Variants in ALK observed in about 807,000 individuals in gnomAD.
ALK encodes the protein ALK tyrosine kinase receptor.
A neutral mutation model predicts 163.1 loss-of-function variants in ALK; 74 were observed. The observed-to-expected ratio is 0.45, with a 90% CI of 0.38 to 0.55. ALK has a LOEUF of 0.55. ALK is among the 20% of genes least tolerant of loss of function. The probability of loss-of-function intolerance (pLI) is 0.00; values close to 1 mark genes in which losing one functional copy is unlikely to be tolerated. For synonymous variants in ALK, 960 were observed against 843.2 expected (o/e 1.14, Z -2.40); for missense variants, 2,063 against 2,105.3 (o/e 0.98, Z 0.39).
intron 1 of ALK, among the ~76,000 whole-genome samples, chr2:29,767,270 A>G (rs554137186): frequency 1.3e-5 from 2 of 152,322 alleles, no homozygotes; most frequent in South Asian, 4.1e-4. Context: ...CTGTCTCCCA[A>G]TACCTTCCTA....
chr2:29,489,756 A>C (rs1259280872), intron 4 of ALK, among the ~76,000 whole-genome samples: 2 of 152,230 alleles, frequency 1.3e-5, no homozygotes, highest in African/African-American at 4.8e-5. Flanking sequence ...CTAGGGATGA[A>C]GAGCTGTCTC....
At chr2:29,432,336 T>C (rs1431542901) in intron 4 of ALK, among the ~76,000 whole-genome samples, 1 of 152,090 alleles carries the variant, frequency 6.6e-6, no homozygotes, top group Non-Finnish European at 1.5e-5. Flanking sequence ...CCTGGCACCA[T>C]CTTCCCATTG....
intron 6 of ALK, among the ~76,000 whole-genome samples, chr2:29,323,928 A>C (rs765864812): frequency 6.6e-6 from 1 of 152,216 alleles, no homozygotes; most frequent in African/African-American, 2.4e-5. Flanking sequence ...TTTACCACTC[A>C]AAATGTGGTC....
At chr2:29,637,460 A>T (rs1176144727) in intron 3 of ALK, among the ~76,000 whole-genome samples, 1 of 152,032 alleles carries the variant, frequency 6.6e-6, no homozygotes. Flanking sequence ...AGTGGATGAG[A>T]ATATAAAAAA....
intron 4 of ALK, among the ~76,000 whole-genome samples, chr2:29,530,059 G>T (rs7601651): frequency 5.3e-5 from 6 of 113,406 alleles, no homozygotes; most frequent in African/African-American, 1.3e-4. Context: ...CAAAATAATC[G>T]CTCTTTTTTT....
At chr2:29,553,878 G>C (rs201010881) in intron 3 of ALK, among the ~76,000 whole-genome samples, 1 of 151,770 alleles carries the variant, frequency 6.6e-6, no homozygotes, top group Non-Finnish European at 1.5e-5. Context: ...TGTTTTTTTT[G>C]TTCAGTTATC....
rs374135358 is a variant in ALK at position 29,193,697 on chromosome 2, G to A, written c.4390C>T (p.Arg1464Ter). 6.2e-7 allele frequency: 1 copy of A among 1,612,230 alleles called. No individual in the cohort carries two copies. The highest frequency in any genetic ancestry group is 1.3e-5 in the African/African-American group (1 of 74,818). The part of the protein sequence containing the change: ...KKPTAAEISV[R>*]VPRGPAVEGG... ...TCCACGGCCGGCCCTCTAGGGACTC[G>A]AACAGAGATCTCTGCAGCTGTGGGT... Residue 1464 changes from arginine (R) to a stop codon, truncating the protein, a stop_gained, in exon 29 of 29, where the codon CGA (arginine) becomes TGA (stop). Coordinates refer to ENST00000389048, the MANE Select transcript of ALK (RefSeq NM_004304.5). LOFTEE classifies it low-confidence loss of function (END_TRUNC).
At chr2:29,469,551 T>C (rs545248469) in intron 4 of ALK, among the ~76,000 whole-genome samples, 19 of 152,314 alleles carry the variant, frequency 1.2e-4, no homozygotes, top group Non-Finnish European at 2.6e-4. Flanking sequence ...CTCTCCTTAC[T>C]CTTTCCTAAC....
intron 5 of ALK, among the ~76,000 whole-genome samples, chr2:29,375,566 C>A (rs151216381): frequency 6.6e-6 from 1 of 152,088 alleles, no homozygotes; most frequent in Non-Finnish European, 1.5e-5. Context: ...ATCTGCCCGC[C>A]TCGGCCTCCC....
At chr2:29,755,137 C>T (rs1194276741) in intron 1 of ALK, among the ~76,000 whole-genome samples, 1 of 152,164 alleles carries the variant, frequency 6.6e-6, no homozygotes, top group Non-Finnish European at 1.5e-5. Flanking sequence ...AGTGAGGAAC[C>T]CTCTGGGTTT....
intron 1 of ALK, among the ~76,000 whole-genome samples, chr2:29,827,436 T>C (rs1665233272): frequency 6.6e-6 from 1 of 152,236 alleles, no homozygotes; most frequent in South Asian, 2.1e-4. Context: ...TCTTCTCTGC[T>C]TCTGAGCTTC....
intron 3 of ALK, among the ~76,000 whole-genome samples, chr2:29,645,245 G>A (rs1344126583): frequency 1.3e-5 from 2 of 152,122 alleles, no homozygotes; most frequent in East Asian, 1.9e-4. Flanking sequence ...TTTAATGAGA[G>A]TCTGGAAATC....
chr2:29,310,337 A>G (rs1199284159), intron 8 of ALK, among the ~76,000 whole-genome samples: 1 of 152,220 alleles, frequency 6.6e-6, no homozygotes, highest in Non-Finnish European at 1.5e-5. Flanking sequence ...TGAAATGCTT[A>G]GCATAGTGCC....
chr2:29,670,744 C>G (rs1677658347), intron 3 of ALK, among the ~76,000 whole-genome samples: 1 of 151,974 alleles, frequency 6.6e-6, no homozygotes, highest in African/African-American at 2.4e-5. Context: ...AGTGTTTGAG[C>G]TCACTGATTT....
At chr2:29,773,669 T>C (rs1681090447) in intron 1 of ALK, among the ~76,000 whole-genome samples, 1 of 152,216 alleles carries the variant, frequency 6.6e-6, no homozygotes, top group Admixed American at 6.5e-5. Flanking sequence ...AGATGGATGA[T>C]GGGAAAGACA....
chr2:29,452,732 G>A (rs1049831075), intron 4 of ALK, among the ~76,000 whole-genome samples: 3 of 152,116 alleles, frequency 2.0e-5, no homozygotes, highest in East Asian at 1.9e-4. Flanking sequence ...AAGTGTAACC[G>A]ACGACTAACA....
In ALK at chr2:29,637,921, T is replaced by C. The variant is rs189887588; in HGVS notation, c.952+56929A>G. Among the ~76,000 whole-genome samples, 1,231 of 152,252 alleles carry C rather than the reference T, an allele frequency of 8.1e-3. 8 individuals are homozygous for C. Among genetic ancestry groups the C allele is most frequent in the Non-Finnish European group, 0.012 (798 of 68,026 alleles). ...ACATAATAAGTTTAATTAAAACATA[T>C]ATAGTTGCTATTAAAACTCAAGCTG... On this transcript the variant is annotated intron_variant, in intron 3 of 28. Coordinates refer to ENST00000389048, the MANE Select transcript of ALK (RefSeq NM_004304.5).
chr2:29,344,993 G>T (rs1246693342), intron 5 of ALK, among the ~76,000 whole-genome samples: 1 of 152,166 alleles, frequency 6.6e-6, no homozygotes, highest in African/African-American at 2.4e-5. Flanking sequence ...CATTTTATTA[G>T]GTTGGTGCAA....
intron 4 of ALK, among the ~76,000 whole-genome samples, chr2:29,404,388 A>C (rs1285875292): frequency 6.6e-6 from 1 of 152,152 alleles, no homozygotes; most frequent in African/African-American, 2.4e-5. Flanking sequence ...ATTTACTCAA[A>C]CAGAACACCT....
Sources: allele counts gnomAD v4.1 joint callset (sites outside exome capture counted in the v4.1 genomes callset), GRCh38; gene constraint gnomAD v4.1.1; transcripts MANE v1.5; gene names NCBI Gene and HGNC (gene_info 2026-07-23, HGNC 2026-07-21).